LTBP2: variants seen among roughly 807,000 people sequenced by gnomAD.
LTBP2 encodes the protein latent transforming growth factor beta binding protein 2.
A neutral mutation model predicts 210.6 loss-of-function variants in LTBP2; 103 were observed. The observed-to-expected ratio is 0.49, with a 90% confidence interval of 0.42 to 0.58. LTBP2 has a LOEUF of 0.58. LTBP2 is among the 20% of genes least tolerant of loss of function. LTBP2 has a pLI of 0.00. For synonymous variants in LTBP2, 1,007 were observed against 1,015.0 expected (o/e 0.99, Z 0.15); for missense variants, 2,313 against 2,494.5 (o/e 0.93, Z 1.55).
chr14:74,601,908 T>C (rs2088453222), intron 2 of LTBP2, among the ~76,000 whole-genome samples: 1 of 151,816 alleles, frequency 6.6e-6, no homozygotes, highest in Admixed American at 6.6e-5. Context: ...AAGGGAGCTG[T>C]TGAGACTGAG....
chr14:74,543,131 C>A (rs1451682968), intron 8 of LTBP2, among the ~76,000 whole-genome samples: 1 of 151,794 alleles, frequency 6.6e-6, no homozygotes, highest in Non-Finnish European at 1.5e-5. Flanking sequence ...GTAATCCCAG[C>A]ACTTTGGGAG....
At position 74,557,348 on chromosome 14, in the gene LTBP2, G is replaced by A. The variant is rs540935848; in HGVS notation, c.831-1655C>T. ...AGGTTACAAACATTTATGTCTGGAG[G>A]CACACACTGGTGTATTGCTTTCTGA... On this transcript the variant is annotated intron_variant, in intron 3 of 35. Transcript: ENST00000261978. Among the ~76,000 whole-genome samples the A allele has an allele frequency of 8.5e-5, 13 of 152,292 alleles. No individual in the cohort carries two copies. In the East Asian group the frequency reaches 2.3e-3, roughly 27 times the overall value.
chr14:74,581,760 G>A (rs554062009), intron 3 of LTBP2, among the ~76,000 whole-genome samples: 19 of 152,312 alleles, frequency 1.2e-4, no homozygotes, highest in Admixed American at 1.2e-3. Context: ...AGAAATAAAT[G>A]TGTGTTGTTT....
rs759830498 is a variant in LTBP2, at chr14:74,586,072, C to T, written c.612G>A (p.Pro204=). 30 of 1,600,180 alleles carry T rather than the reference C, an allele frequency of 1.9e-5. No individual in the cohort carries two copies. The highest frequency in any genetic ancestry group is 2.7e-5 in the African/African-American group (2 of 74,734). Residue 204 remains proline, a synonymous_variant, in exon 3 of 36, where the codon CCG becomes CCA. Coordinates refer to ENST00000261978, the MANE Select transcript of LTBP2 (RefSeq NM_000428.3). This position sits in a 1 kb window ranked among gnomAD's most constrained non-coding sequence, Gnocchi z 4.6. ...AACCAGAGCGGCAGACACAGAGCTGCGGGCGGCTGCAGGAGCCCCGGTTCT... is the reference window on the plus strand; with the variant it reads ...AACCAGAGCGGCAGACACAGAGCTGTGGGCGGCTGCAGGAGCCCCGGTTCT... ...PCQNRGSCSR[P]QLCVCRSGFR... is the part of the protein sequence containing the mutation.
chr14:74,608,722 AAAAAAAG>A lies in LTBP2; in HGVS notation c.494+2722_494+2728del, dbSNP rs1323970657. ...ACTCTATCTCAAAAAAAAGAAAAAA[AAAAAAAG>A]AAAAAAAGAAAGAAAGAATAAAGAA... is the stretch of plus-strand genomic sequence containing the variant. On this transcript the variant is annotated intron_variant, in intron 1 of 35. Transcript: ENST00000261978. 5.5e-4 allele frequency among the ~76,000 whole-genome samples: 77 copies of A among 140,694 alleles called. 1 individual carries two copies. In the South Asian group the frequency reaches 0.012, roughly 23 times the overall value. The allele number at this position is 140,694 out of a possible 152,430, so 92.3% of individuals were successfully genotyped here.
At chr14:74,506,922 C>G (rs1160709445) in intron 26 of LTBP2, 99 bp from the exon 27 acceptor site, 33 of 1,570,260 alleles carry the variant, frequency 2.1e-5, no homozygotes, top group Non-Finnish European at 2.8e-5. Flanking sequence ...CATGCACACT[C>G]TCTCGTTCTC....
intron 2 of LTBP2, among the ~76,000 whole-genome samples, chr14:74,592,826 AC>A (rs2088300907): frequency 6.6e-6 from 1 of 151,852 alleles, no homozygotes; most frequent in Non-Finnish European, 1.5e-5. Context: ...AAGACGGAAT[AC>A]CCCCCAGCCC....
At position 74,611,683 on chromosome 14, in the gene LTBP2, C is replaced by G; in HGVS notation, c.262G>C (p.Ala88Pro). Residue 88 changes from alanine (A) to proline (P), a missense_variant, in exon 1 of 36, where the codon GCC (alanine) becomes CCC (proline). Ala to Pro is a conservative substitution (Grantham distance 27). Around this residue, in one of 3 missense-constraint regions of LTBP2, gnomAD observed 1,867 missense variants for 1,976.9 expected, o/e 0.94. Coordinates refer to ENST00000261978, the MANE Select transcript of LTBP2 (RefSeq NM_000428.3). ...PVAGLQPVERAQPGWGSPRRP... is the reference protein window; with the variant it reads ...PVAGLQPVERPQPGWGSPRRP... The stretch of plus-strand genomic sequence containing the variant: ...CTGGGGCTCCCCCAGCCCGGCTGGG[C>G]CCGCTCCACGGGCTGCAAGCCCGCG... 6.4e-7 allele frequency: 1 copy of G among 1,573,966 alleles called. No individual in the cohort carries two copies. Among genetic ancestry groups the G allele is most frequent in the Non-Finnish European group, 8.6e-7 (1 of 1,166,472 alleles).
rs1187058672 is a variant in LTBP2, at chr14:74,510,181, C to A, written c.3061G>T (p.Ala1021Ser). The A allele has an allele frequency of 3.7e-6, 6 of 1,613,912 alleles. No individual in the cohort carries two copies. The highest frequency in any genetic ancestry group is 5.1e-6 in the Non-Finnish European group (6 of 1,180,020). ...VNECLTPGVC[A>S]HGKCTNLEGS... is the part of the protein sequence containing the mutation. ...TCTAGGTTGGTGCACTTTCCATGGG[C>A]ACAGACCCCGGGAGTCAGACACTCA... The change falls in exon 20 of 36, where the codon GCC (alanine) becomes TCC (serine). Residue 1021 changes from alanine (A) to serine (S), a missense_variant. Coordinates refer to ENST00000261978, the MANE Select transcript of LTBP2 (RefSeq NM_000428.3).
rs764100013 is a variant in LTBP2 at position 74,501,047 on chromosome 14, A to G, written c.5321-18T>C. 9 of 1,609,292 alleles carry G rather than the reference A, an allele frequency of 5.6e-6. No individual in the cohort carries two copies. In the East Asian group the frequency reaches 1.6e-4, roughly 28 times the overall value. On this transcript the variant is annotated intron_variant, in intron 35 of 35. Transcript: ENST00000261978. ...ATTCACATCTAAGAGGAAACAAAGG[A>G]GAGTGCTGTAGGGAGCCCAGGTGCC...
chr14:74,600,245 C>T (rs979596462), intron 2 of LTBP2, among the ~76,000 whole-genome samples: 1 of 152,206 alleles, frequency 6.6e-6, no homozygotes, highest in Non-Finnish European at 1.5e-5. Context: ...GAGCACACAG[C>T]CCTGCCACGG....
Position 74,506,821 on chromosome 14 carries a change from T to C in LTBP2, c.3910A>G (p.Ile1304Val), listed in dbSNP as rs559437622. The C allele has an allele frequency of 3.0e-5, 49 of 1,613,974 alleles. No homozygotes were observed. In the South Asian group the frequency reaches 5.3e-4, roughly 17 times the overall value. Residue 1304 changes from isoleucine to valine, a missense_variant and splice_region_variant, in exon 27 of 36, where the codon ATA (isoleucine) becomes GTA (valine). Transcript: ENST00000261978. ...ATGGTGTCGTTGGCGCACTCGTCTA[T>C]GTCTGTGGGACAGTGGGAACCAGGA... is the stretch of plus-strand genomic sequence containing the variant. ...HMAPNGDCID[I>V]DECANDTMCG...
At chr14:74,604,692 T>C (rs577870102) in intron 1 of LTBP2, among the ~76,000 whole-genome samples, 4 of 152,222 alleles carry the variant, frequency 2.6e-5, no homozygotes, top group African/African-American at 9.6e-5. Context: ...GGTTTCACCA[T>C]GTTGGCCAGG....
intron 10 of LTBP2, among the ~76,000 whole-genome samples, chr14:74,529,643 A>AT (rs1207662008): frequency 2.0e-5 from 3 of 152,206 alleles, no homozygotes; most frequent in Non-Finnish European, 4.4e-5. Flanking sequence ...TGTTGAAGCT[A>AT]TGCGTGGATG....
chr14:74,515,252 ATTT>A (rs575476350), intron 18 of LTBP2, among the ~76,000 whole-genome samples: 29,481 of 124,830 alleles, frequency 0.24, 2,599 homozygotes, highest in East Asian at 0.35. Context: ...TATAAATCTG[ATTT>A]TTTTTTTTTT....
Position 74,521,913 on chromosome 14 carries a change from T to G in LTBP2, c.2786A>C (p.Gln929Pro), listed in dbSNP as rs779859268. The G allele has an allele frequency of 6.2e-6, 10 of 1,613,962 alleles. No homozygotes were observed. Among genetic ancestry groups the G allele is most frequent in the Non-Finnish European group, 4.2e-6 (5 of 1,179,998 alleles). ...GGGCAAGGGCGGGCTTGGCTTACCT[T>G]GACACTCCTGTGTCGCCCCTGAGGT... ...LATSGATQEC[Q>P]DINECEQPGV... Residue 929 changes from glutamine (Q) to proline (P), a missense_variant and splice_region_variant, in exon 17 of 36, where the codon CAA (glutamine) becomes CCA (proline). By Grantham distance (76) the Gln-to-Pro change is moderately conservative. This residue lies in a region of LTBP2 where 1,867 missense variants were observed against 1,976.9 expected (regional missense o/e 0.94). Transcript: ENST00000261978.
intron 27 of LTBP2, 22 bp downstream of exon 27, chr14:74,506,675 TG>T (rs762324197): frequency 6.2e-7 from 1 of 1,612,064 alleles, no homozygotes; most frequent in South Asian, 1.1e-5. Context: ...GCCCAGACCT[TG>T]GGTAGCCCAC....
intron 31 of LTBP2, 130 bp downstream of exon 31, chr14:74,503,796 G>A (rs1362889484): frequency 6.9e-7 from 1 of 1,439,156 alleles, no homozygotes; most frequent in Non-Finnish European, 9.5e-7. Flanking sequence ...CCTGGGACCA[G>A]CCTGCTGCAG....
At chr14:74,590,770 T>C (rs2088271159) in intron 2 of LTBP2, among the ~76,000 whole-genome samples, 1 of 952 alleles carries the variant, frequency 1.1e-3, no homozygotes, top group South Asian at 0.036. Flanking sequence ...CACTTACAAG[T>C]GGGAGCTAAG....
Sources: allele counts gnomAD v4.1 joint callset (sites outside exome capture counted in the v4.1 genomes callset), GRCh38; gene constraint gnomAD v4.1.1; regional missense constraint gnomAD v4.1.1; non-coding constraint Gnocchi (gnomAD v3.1); transcripts MANE v1.5; gene names NCBI Gene and HGNC (gene_info 2026-07-23, HGNC 2026-07-21).